SCHIP1: variants seen among roughly 807,000 people sequenced by gnomAD.
SCHIP1 encodes the protein schwannomin-interacting protein 1.
SCHIP1 carries 8 observed loss-of-function variants against 29.7 expected under a neutral mutation model. That is an observed-to-expected ratio of 0.27 (90% CI 0.16 to 0.49). The LOEUF is 0.49. Among genes scored for constraint, SCHIP1 ranks in the 20% least tolerant of loss-of-function variants. SCHIP1 has a pLI of 0.99. For missense variants in SCHIP1, 193 were observed against 294.6 expected, an observed-to-expected ratio of 0.66 and a Z score of 2.52; for synonymous variants, 76 against 94.9, an observed-to-expected ratio of 0.80 and a Z score of 1.16.
chr3:159,892,015 G>A (rs1717593338), intron 5 of SCHIP1, 82 bp from the exon 7 acceptor site: 1 of 1,446,788 alleles, frequency 6.9e-7, no homozygotes, highest in African/African-American at 1.4e-5. Context: ...AGCTGTTTGT[G>A]TGTATACTGG....
chr3:159,665,880 A>G, the SCHIP1 span, among the ~76,000 whole-genome samples: 1 of 152,176 alleles, frequency 6.6e-6, no homozygotes, highest in Non-Finnish European at 1.5e-5. Context: ...GAAATGCAGG[A>G]GAGGTTTTCA....
chr3:159,303,617 G>C, the SCHIP1 span, among the ~76,000 whole-genome samples: 258 of 152,112 alleles, frequency 1.7e-3, no homozygotes, highest in Middle Eastern at 6.8e-3. Flanking sequence ...CCTACTGAGC[G>C]GTGGATTGAG....
At chr3:159,551,398 G>A in the SCHIP1 span, among the ~76,000 whole-genome samples, 1 of 152,112 alleles carries the variant, frequency 6.6e-6, no homozygotes, top group East Asian at 1.9e-4. Flanking sequence ...GGCCTGCTGC[G>A]TAGCAGTTTT....
the SCHIP1 span, among the ~76,000 whole-genome samples, chr3:159,397,893 C>A: frequency 6.6e-6 from 1 of 152,210 alleles, no homozygotes; most frequent in Admixed American, 6.5e-5. Flanking sequence ...CCTAAGCAAG[C>A]CTGGGCAATG....
At chr3:159,604,793 G>T in the SCHIP1 span, among the ~76,000 whole-genome samples, 69 of 152,274 alleles carry the variant, frequency 4.5e-4, no homozygotes, top group Non-Finnish European at 8.2e-4. Flanking sequence ...GGCATGACAT[G>T]TATCTGACAG....
chr3:159,714,045 T>G, the SCHIP1 span, among the ~76,000 whole-genome samples: 1 of 152,144 alleles, frequency 6.6e-6, no homozygotes, highest in African/African-American at 2.4e-5. Flanking sequence ...GAGGCCAGCA[T>G]GGCCAACATA....
the SCHIP1 span, among the ~76,000 whole-genome samples, chr3:159,329,725 A>G: frequency 2.6e-5 from 4 of 152,030 alleles, no homozygotes; most frequent in African/African-American, 9.7e-5. Context: ...AACATTTCCT[A>G]TTTTCTGTTA....
the SCHIP1 span, among the ~76,000 whole-genome samples, chr3:159,576,182 C>T: frequency 6.6e-6 from 1 of 152,172 alleles, no homozygotes; most frequent in East Asian, 1.9e-4. Flanking sequence ...GATTTGATTA[C>T]ACATCATATG....
the SCHIP1 span, among the ~76,000 whole-genome samples, chr3:159,428,382 A>G: frequency 0.93 from 137,601 of 147,292 alleles, 64,292 homozygotes; most frequent in Admixed American, 0.96. Context: ...AAAAGTGGGC[A>G]AAGGACATGA....
At chr3:159,629,409 C>T in the SCHIP1 span, among the ~76,000 whole-genome samples, 7 of 152,184 alleles carry the variant, frequency 4.6e-5, no homozygotes, top group Non-Finnish European at 1.0e-4. Context: ...CATTTTGGTA[C>T]AAAACCTTTC....
chr3:159,419,898 C>T, the SCHIP1 span, among the ~76,000 whole-genome samples: 25 of 152,306 alleles, frequency 1.6e-4, 1 homozygote, highest in South Asian at 4.8e-3. Flanking sequence ...TGCAAAAACT[C>T]GGTGGCATGA....
At chr3:159,408,521 C>T in the SCHIP1 span, among the ~76,000 whole-genome samples, 1 of 151,792 alleles carries the variant, frequency 6.6e-6, no homozygotes, top group Admixed American at 6.6e-5. Context: ...GCAAAGAATC[C>T]TTAGAGGCTA....
chr3:159,721,701 G>A, the SCHIP1 span: 1 of 331,532 alleles, frequency 3.0e-6, no homozygotes, highest in Non-Finnish European at 6.0e-6. Context: ...AATGATAAAA[G>A]TCGGTTGTGC....
chr3:159,450,542 A>G, the SCHIP1 span, among the ~76,000 whole-genome samples: 1 of 152,216 alleles, frequency 6.6e-6, no homozygotes, highest in African/African-American at 2.4e-5. Flanking sequence ...AATACAAAGC[A>G]TAAACGTTGA....
the SCHIP1 span, among the ~76,000 whole-genome samples, chr3:159,812,216 C>T: frequency 6.6e-6 from 1 of 151,974 alleles, no homozygotes; most frequent in Non-Finnish European, 1.5e-5. Flanking sequence ...AGTGATCCAC[C>T]CACCTTGGCC....
chr3:159,617,298 G>A, the SCHIP1 span, among the ~76,000 whole-genome samples: 1 of 152,094 alleles, frequency 6.6e-6, no homozygotes, highest in Non-Finnish European at 1.5e-5. Context: ...TAGAACCAAG[G>A]TCTCTTTCTG....
chr3:159,523,575 G>A, the SCHIP1 span, among the ~76,000 whole-genome samples: 7 of 150,876 alleles, frequency 4.6e-5, no homozygotes, highest in Admixed American at 2.0e-4. Flanking sequence ...AAGTGTGTGC[G>A]TGTGTGTGTG....
At chr3:159,435,178 T>C in the SCHIP1 span, among the ~76,000 whole-genome samples, 3 of 152,300 alleles carry the variant, frequency 2.0e-5, no homozygotes, top group South Asian at 4.1e-4. Context: ...TTCAGAGTTA[T>C]CATCATTTAA....
chr3:159,574,602 C>G, the SCHIP1 span, among the ~76,000 whole-genome samples: 1 of 152,256 alleles, frequency 6.6e-6, no homozygotes, highest in Non-Finnish European at 1.5e-5. Flanking sequence ...TGTCCATTCT[C>G]AGAGCTCAAA....
Sources: gnomAD v4.1 joint callset for allele counts (sites outside exome capture counted in the v4.1 genomes callset) on GRCh38, gnomAD v4.1.1 for gene constraint, MANE v1.5 for transcripts, NCBI Gene and HGNC (gene_info 2026-07-23, HGNC 2026-07-21) for gene names.